Variants in HBS1L observed in about 807,000 individuals in gnomAD.
HBS1L encodes the protein HBS1-like protein.
A neutral mutation model predicts 88.9 loss-of-function variants in HBS1L; 55 were observed. That is an observed-to-expected ratio of 0.62 (90% CI 0.50 to 0.77). The LOEUF (loss-of-function observed/expected upper bound fraction) is 0.77, where lower values mean the gene tolerates loss of function less well. HBS1L is among the 30% of genes least tolerant of loss of function. The pLI, the probability that HBS1L is intolerant of heterozygous loss-of-function variation, is 0.00. For missense variants in HBS1L, 741 were observed against 829.3 expected (o/e 0.89, Z 1.31); for synonymous variants, 267 against 288.5 (o/e 0.93, Z 0.76).
chr6:135,002,253 A>T (rs1179811912), intron 5 of HBS1L, among the ~76,000 whole-genome samples: 2 of 152,154 alleles, frequency 1.3e-5, no homozygotes, highest in African/African-American at 2.4e-5. Context: ...GTTTCATATC[A>T]TATGTCTTTG....
chr6:135,050,482 T>G, intron 2 of HBS1L, 100 bp downstream of exon 2: 1 of 673,136 alleles, frequency 1.5e-6, no homozygotes, highest in Non-Finnish European at 2.5e-6. Flanking sequence ...TTTTAAATGT[T>G]ATATATTACA....
chr6:134,970,561 A>G (rs2114747795), intron 15 of HBS1L, among the ~76,000 whole-genome samples: 1 of 152,338 alleles, frequency 6.6e-6, no homozygotes, highest in African/African-American at 2.4e-5. Context: ...CAGTTAACTG[A>G]TGGCCTTATA....
intron 2 of HBS1L, among the ~76,000 whole-genome samples, chr6:135,043,368 T>C (rs1363647151): frequency 1.3e-5 from 2 of 152,258 alleles, no homozygotes; most frequent in South Asian, 4.1e-4. Context: ...GACTTGTGTA[T>C]AGATTATCAG....
At chr6:134,995,967 A>T (rs572472188) in intron 7 of HBS1L, among the ~76,000 whole-genome samples, 2 of 152,274 alleles carry the variant, frequency 1.3e-5, no homozygotes, top group African/African-American at 4.8e-5. Flanking sequence ...AATACACATT[A>T]AAAAGGCATG....
intron 15 of HBS1L, among the ~76,000 whole-genome samples, chr6:134,974,935 C>A (rs4407732): frequency 0.47 from 70,629 of 151,868 alleles, 16,799 homozygotes; most frequent in South Asian, 0.56. Context: ...AGAAAGAAAT[C>A]AAGGGCATCC....
chr6:135,033,955 A>G (rs1776458727), intron 4 of HBS1L, among the ~76,000 whole-genome samples: 1 of 152,240 alleles, frequency 6.6e-6, no homozygotes, highest in African/African-American at 2.4e-5. Flanking sequence ...CAAAGTTACT[A>G]AAATGTTTGA....
At chr6:135,013,609 G>A (rs1297175086) in intron 4 of HBS1L, among the ~76,000 whole-genome samples, 2 of 152,136 alleles carry the variant, frequency 1.3e-5, no homozygotes, top group Non-Finnish European at 2.9e-5. Flanking sequence ...ATGGATTGTG[G>A]AGGCAAGATT....
intron 4 of HBS1L, among the ~76,000 whole-genome samples, chr6:135,034,469 C>T (rs973292447): frequency 7.2e-5 from 11 of 152,138 alleles, no homozygotes; most frequent in East Asian, 1.9e-4. Flanking sequence ...CGTGGTGAAA[C>T]CCCGTCTGTA....
rs753980848 is a variant in HBS1L, at chr6:135,037,866, T to C, written c.430+1707A>G. On this transcript the variant is annotated intron_variant, in intron 4 of 17. Transcript: ENST00000367837. Reference sequence around the variant, plus strand: ...TGTCAAGTTTCTTTTTTCTATGGAGTAAACAGTGAGTTGGAACTGAAGAAT... The same window carrying C: ...TGTCAAGTTTCTTTTTTCTATGGAGCAAACAGTGAGTTGGAACTGAAGAAT... 4.5e-6 allele frequency: 7 copies of C among 1,549,364 alleles called. No individual in the cohort carries two copies. In the Admixed American group the frequency reaches 1.4e-4, roughly 31 times the overall value.
chr6:135,030,214 C>A (rs1282339193), intron 4 of HBS1L, among the ~76,000 whole-genome samples: 1 of 152,154 alleles, frequency 6.6e-6, no homozygotes, highest in African/African-American at 2.4e-5. Context: ...GATACAAGTG[C>A]TGTGAAGAAT....
At chr6:134,970,577 G>A (rs1464819959) in intron 15 of HBS1L, among the ~76,000 whole-genome samples, 1 of 152,148 alleles carries the variant, frequency 6.6e-6, no homozygotes, top group Non-Finnish European at 1.5e-5. Flanking sequence ...TTATATATTA[G>A]CTATTATTTC....
At chr6:135,032,512 C>T (rs556897987) in intron 4 of HBS1L, among the ~76,000 whole-genome samples, 10 of 152,150 alleles carry the variant, frequency 6.6e-5, no homozygotes, top group African/African-American at 2.4e-4. Flanking sequence ...AAAACAATTT[C>T]TAAACTATTA....
At chr6:134,971,821 G>A (rs574487807) in intron 15 of HBS1L, among the ~76,000 whole-genome samples, 1 of 152,238 alleles carries the variant, frequency 6.6e-6, no homozygotes, top group Non-Finnish European at 1.5e-5. Context: ...ACCTCTCGGA[G>A]GGTTCAATTC....
intron 5 of HBS1L, among the ~76,000 whole-genome samples, chr6:135,001,778 A>C (rs1775466056): frequency 6.6e-6 from 1 of 152,130 alleles, no homozygotes; most frequent in Non-Finnish European, 1.5e-5. Flanking sequence ...CTAGTGAATA[A>C]AGTCTTGTTT....
rs1412186698 is a variant in HBS1L, at chr6:134,985,363, T to C, written c.1470A>G (p.Leu490=). 1 of 1,606,744 alleles carries C rather than the reference T, an allele frequency of 6.2e-7. No homozygotes were observed. Among genetic ancestry groups the C allele is most frequent in the Admixed American group, 1.7e-5 (1 of 58,748 alleles). Residue 490 remains leucine, a synonymous_variant, in exon 12 of 18, where the codon TTA becomes TTG. Coordinates refer to ENST00000367837, the MANE Select transcript of HBS1L (RefSeq NM_006620.4). ...TACCTTTGAAAACATCGGACACACA[T>C]AATCTAAAAGGTTTGTCAATAGATC... ...PQRSIDKPFR[L]CVSDVFKDQG...
intron 4 of HBS1L, among the ~76,000 whole-genome samples, chr6:135,019,551 C>T (rs937984551): frequency 1.3e-5 from 2 of 151,886 alleles, no homozygotes; most frequent in African/African-American, 4.8e-5. Flanking sequence ...ATAGAATACA[C>T]ATACACAGGC....
Position 135,041,897 on chromosome 6 carries a change from T to C in HBS1L, c.235+104A>G, listed in dbSNP as rs112797859. ...GAATATGAAAGATATGTTTACATCA[T>C]TACTGTTCATAGTCACTGTTATAAA... On this transcript the variant is annotated intron_variant, in intron 3 of 17. Transcript: ENST00000367837. The C allele has an allele frequency of 8.4e-4, 787 of 933,548 alleles. 6 individuals are homozygous for C. In the African/African-American group the frequency reaches 0.012, roughly 14 times the overall value. 57.8% of individuals were successfully genotyped at this position (933,548 alleles called of 1,614,324 possible). A position where few individuals can be genotyped will look rare whatever the true frequency, so the allele number is the denominator to read the frequency against.
chr6:135,028,845 A>G (rs1036259672), intron 4 of HBS1L, among the ~76,000 whole-genome samples: 11 of 151,988 alleles, frequency 7.2e-5, no homozygotes, highest in African/African-American at 2.7e-4. Flanking sequence ...AGTAAATACA[A>G]CAACAAAAAT....
chr6:134,982,334 T>A (rs1358321541), intron 13 of HBS1L, 124 bp downstream of exon 13: 2 of 625,936 alleles, frequency 3.2e-6, no homozygotes, highest in African/African-American at 3.7e-5. Context: ...TCAGTATCAT[T>A]TTGACAGTCA....
Sources: gnomAD v4.1 joint callset for allele counts (sites outside exome capture counted in the v4.1 genomes callset) on GRCh38, gnomAD v4.1.1 for gene constraint, MANE v1.5 for transcripts, NCBI Gene and HGNC (gene_info 2026-07-23, HGNC 2026-07-21) for gene names.